Variants in CNOT10 observed in about 807,000 individuals in gnomAD.
The protein encoded by CNOT10 is CCR4-NOT transcription complex subunit 10.
A neutral mutation model predicts 94.6 loss-of-function variants in CNOT10; 30 were observed. That is an observed-to-expected ratio of 0.32 (90% CI 0.24 to 0.43). The LOEUF is 0.43. Ranked by LOEUF, CNOT10 falls within the 20% of genes least tolerant of loss-of-function variation. The pLI is 1.00. For synonymous variants in CNOT10, 289 were observed against 301.6 expected (o/e 0.96, Z 0.43); for missense variants, 759 against 877.2 (o/e 0.87, Z 1.70).
rs370108890 is a variant in CNOT10 at position 32,734,957 on chromosome 3, G to C, written c.1495G>C (p.Glu499Gln). ...NQLGGNTESS[E>Q]SSETCSSKSH... ...ATTAGGTGGGAACACAGAGAGCAGC[G>C]AAAGCAGTGAAACTTGCAGGTATTC... is the stretch of plus-strand genomic sequence containing the variant. Residue 499 changes from glutamate to glutamine, a missense_variant, in exon 12 of 19, where the codon GAA becomes CAA. This residue lies in a region of CNOT10 where 682 missense variants were observed against 799.4 expected (regional missense o/e 0.85). Transcript: ENST00000328834. 4 of 1,613,402 alleles carry C rather than the reference G, an allele frequency of 2.5e-6. No individual in the cohort carries two copies. The highest frequency in any genetic ancestry group is 2.7e-5 in the African/African-American group (2 of 74,922).
chr3:32,715,537 G>T (rs1348375246), intron 5 of CNOT10, among the ~76,000 whole-genome samples: 1 of 152,200 alleles, frequency 6.6e-6, no homozygotes, highest in East Asian at 1.9e-4. Context: ...ATGATTGGCA[G>T]TGTTCATAAC....
At chr3:32,700,228 G>A (rs1412398855) in intron 1 of CNOT10, among the ~76,000 whole-genome samples, 1 of 151,914 alleles carries the variant, frequency 6.6e-6, no homozygotes, top group Non-Finnish European at 1.5e-5. Flanking sequence ...CGCCTGCCTC[G>A]GCCTCCCAAA....
chr3:32,720,873 CTTCT>C (rs1403436853), intron 8 of CNOT10, among the ~76,000 whole-genome samples: 7 of 140,452 alleles, frequency 5.0e-5, no homozygotes, highest in Admixed American at 3.6e-4. Context: ...TCCCTCCTTC[CTTCT>C]TTCTTTTCCT....
At chr3:32,753,954 G>A in intron 13 of CNOT10, 1 of 892,158 alleles carries the variant, frequency 1.1e-6, no homozygotes, top group Non-Finnish European at 1.7e-6. Context: ...AAAATTAGCT[G>A]GGCATGGAGG....
At chr3:32,716,345 C>A in intron 6 of CNOT10, 34 bp downstream of exon 6, 3 of 1,025,596 alleles carry the variant, frequency 2.9e-6, no homozygotes, top group Non-Finnish European at 4.5e-6. Flanking sequence ...CAATACATCA[C>A]ATATATTTAA....
rs776436130 is a variant in CNOT10 at position 32,708,649 on chromosome 3, C to T, written c.280-21C>T. The T allele has an allele frequency of 1.4e-5, 22 of 1,589,220 alleles. No homozygotes were observed. In the East Asian group the frequency reaches 5.0e-4, roughly 36 times the overall value. On this transcript the variant is annotated intron_variant, in intron 3 of 18. Coordinates refer to ENST00000328834, the MANE Select transcript of CNOT10 (RefSeq NM_015442.3). ...TTATTTCCTTAATGTTAAAATATAA[C>T]CTCTGTTGATTGCTTTATAGGTCCA...
At chr3:32,704,008 C>A (rs1184695266) in intron 2 of CNOT10, 46 bp downstream of exon 2, 2 of 1,190,832 alleles carry the variant, frequency 1.7e-6, no homozygotes, top group Non-Finnish European at 2.4e-6. Flanking sequence ...AGGGTTCTGT[C>A]AAGTATGAAT....
chr3:32,692,562 T>A (rs1409837546), intron 1 of CNOT10, among the ~76,000 whole-genome samples: 1 of 152,184 alleles, frequency 6.6e-6, no homozygotes, highest in African/African-American at 2.4e-5. Context: ...TTTGATCAAT[T>A]TGAGGTGCTG....
chr3:32,693,996 G>A (rs1696953005), intron 1 of CNOT10, among the ~76,000 whole-genome samples: 1 of 151,970 alleles, frequency 6.6e-6, no homozygotes, highest in South Asian at 2.1e-4. Flanking sequence ...TTTTAGGTAT[G>A]TAAGTTATTC....
At chr3:32,697,051 A>G (rs982977964) in intron 1 of CNOT10, among the ~76,000 whole-genome samples, 1 of 151,082 alleles carries the variant, frequency 6.6e-6, no homozygotes, top group African/African-American at 2.4e-5. Flanking sequence ...TCCGGGTTCC[A>G]GTGATTCTCC....
At chr3:32,753,611 T>G in intron 13 of CNOT10, 1 of 1,579,082 alleles carries the variant, frequency 6.3e-7, no homozygotes, top group Non-Finnish European at 8.7e-7. Context: ...CCAAAACAAT[T>G]CATAGCAGGT....
chr3:32,773,717 T>C lies in CNOT10; in HGVS notation c.*106T>C. On this transcript the variant is annotated 3_prime_UTR_variant, in exon 19 of 19. Transcript: ENST00000328834. ...TAAAAGATGGTGAAGGCTGTTAATTTTGAGTCAATTCTACCCCTGACATTT... is the reference window on the plus strand; with the variant it reads ...TAAAAGATGGTGAAGGCTGTTAATTCTGAGTCAATTCTACCCCTGACATTT... 1 of 1,222,758 alleles carries C rather than the reference T, an allele frequency of 8.2e-7. No homozygotes were observed. The highest frequency in any genetic ancestry group is 1.7e-5 in the South Asian group (1 of 57,426). The allele number at this position is 1,222,758 out of a possible 1,614,324, so 75.7% of individuals were successfully genotyped here.
chr3:32,770,026 G>T, intron 18 of CNOT10, 64 bp downstream of exon 18: 1 of 1,295,632 alleles, frequency 7.7e-7, no homozygotes, highest in Admixed American at 1.7e-5. Context: ...TTGGTTGGGA[G>T]ACAGGGTCTC....
At chr3:32,765,249 C>T (rs542079899) in intron 17 of CNOT10, 9 of 252,398 alleles carry the variant, frequency 3.6e-5, no homozygotes, top group Middle Eastern at 1.6e-3. Context: ...ATCCGGGAGG[C>T]GGAGGTTGCA....
At position 32,717,198 on chromosome 3, in the gene CNOT10, TA is replaced by T. The variant is rs1295493919; in HGVS notation, c.709del (p.Arg237GlyfsTer7). 6.2e-7 allele frequency: 1 copy of T among 1,610,720 alleles called. No individual in the cohort carries two copies. On this transcript the variant is annotated frameshift_variant, in exon 7 of 19. Coordinates refer to ENST00000328834, the MANE Select transcript of CNOT10 (RefSeq NM_015442.3). LOFTEE classifies it high-confidence loss of function. ...TCCAAATGAAGTCTCTGAAAGCATG[TA>T]AAAGGGAAATCAAGTCAGTCATGAA... ...YIQMKSLKAC[K>X]REIKSVMNTA...
chr3:32,713,208 T>C lies in CNOT10; in HGVS notation c.431-19T>C, dbSNP rs745374209. 1.3e-6 allele frequency: 2 copies of C among 1,559,330 alleles called. No homozygotes were observed. Among genetic ancestry groups the C allele is most frequent in the Non-Finnish European group, 1.7e-6 (2 of 1,162,844 alleles). ...ACTTTAGGTTGTGACTATTCTTTTC[T>C]GTGTTTTTTTTCTCCCAGAAGAAAA... On this transcript the variant is annotated intron_variant, in intron 4 of 18. Coordinates refer to ENST00000328834, the MANE Select transcript of CNOT10 (RefSeq NM_015442.3).
intron 1 of CNOT10, among the ~76,000 whole-genome samples, chr3:32,688,617 G>A (rs1421712799): frequency 6.6e-6 from 1 of 151,644 alleles, no homozygotes; most frequent in East Asian, 1.9e-4. Flanking sequence ...ATAATACTCA[G>A]AAGAAAAAAA....
chr3:32,755,883 A>C (rs998509320), intron 13 of CNOT10, among the ~76,000 whole-genome samples: 1 of 151,946 alleles, frequency 6.6e-6, no homozygotes, highest in African/African-American at 2.4e-5. Flanking sequence ...CAGGGGGGAA[A>C]AGCTAGTGTC....
At chr3:32,725,677 A>G (rs765303681) in intron 9 of CNOT10, 78 bp downstream of exon 9, 38 of 1,323,032 alleles carry the variant, frequency 2.9e-5, no homozygotes, top group Non-Finnish European at 3.8e-5. Flanking sequence ...TGTGGTTAAA[A>G]TACCCACCAT....
Sources: allele counts gnomAD v4.1 joint callset (sites outside exome capture counted in the v4.1 genomes callset), GRCh38; gene constraint gnomAD v4.1.1; regional missense constraint gnomAD v4.1.1; transcripts MANE v1.5; gene names NCBI Gene and HGNC (gene_info 2026-07-23, HGNC 2026-07-21).